Variants in HIBADH observed in about 807,000 individuals in gnomAD.
HIBADH encodes the protein 3-hydroxyisobutyrate dehydrogenase, mitochondrial.
In HIBADH, 25 loss-of-function variants were observed where a neutral mutation model predicts 36.1. The ratio of observed to expected loss-of-function variants is 0.69; its 90% CI spans 0.50 to 0.97. HIBADH has a LOEUF of 0.97. Among genes scored for constraint, HIBADH ranks in the 50% least tolerant of loss-of-function variants. The probability of loss-of-function intolerance (pLI) is 0.00; values close to 1 mark genes in which losing one functional copy is unlikely to be tolerated. For synonymous variants in HIBADH, 160 were observed against 149.5 expected (o/e 1.07, Z -0.51); for missense variants, 421 against 418.0 (o/e 1.01, Z -0.06).
At chr7:27,529,138 C>T (rs747905793) in intron 7 of HIBADH, among the ~76,000 whole-genome samples, 13 of 152,278 alleles carry the variant, frequency 8.5e-5, no homozygotes, top group African/African-American at 1.7e-4. Flanking sequence ...TTTCAAAATA[C>T]GACTGCTCAC....
chr7:27,640,025 A>G (rs1002586981), intron 2 of HIBADH, among the ~76,000 whole-genome samples: 2 of 152,184 alleles, frequency 1.3e-5, no homozygotes, highest in African/African-American at 4.8e-5. Context: ...TCAGGCCCAG[A>G]GAGACGTAAG....
chr7:27,555,302 CT>C (rs3072856), intron 4 of HIBADH, among the ~76,000 whole-genome samples: 22,019 of 127,244 alleles, frequency 0.17, 1,885 homozygotes, highest in Non-Finnish European at 0.21. Flanking sequence ...TCTTGCTCTA[CT>C]TTTTTTTTTT....
chr7:27,583,456 C>T (rs2128287805), intron 4 of HIBADH, among the ~76,000 whole-genome samples: 1 of 151,644 alleles, frequency 6.6e-6, no homozygotes, highest in East Asian at 1.9e-4. Context: ...ACTTTTTCTA[C>T]CTTCCTTTTC....
intron 4 of HIBADH, among the ~76,000 whole-genome samples, chr7:27,565,950 A>G (rs1276742284): frequency 6.6e-6 from 1 of 152,116 alleles, no homozygotes; most frequent in Non-Finnish European, 1.5e-5. Flanking sequence ...TATTAGCATC[A>G]AGTCTTCTTT....
At chr7:27,608,309 T>C (rs1367502506) in intron 4 of HIBADH, among the ~76,000 whole-genome samples, 1 of 152,196 alleles carries the variant, frequency 6.6e-6, no homozygotes, top group Non-Finnish European at 1.5e-5. Flanking sequence ...ACAGAAGGCA[T>C]ATCTGCTGCC....
chr7:27,556,926 G>A (rs1055043270), intron 4 of HIBADH, among the ~76,000 whole-genome samples: 1 of 152,174 alleles, frequency 6.6e-6, no homozygotes, highest in Non-Finnish European at 1.5e-5. Context: ...AGAGGATAGA[G>A]CCTGAGCCCA....
chr7:27,550,584 T>C (rs1784304396), intron 4 of HIBADH, among the ~76,000 whole-genome samples: 1 of 152,182 alleles, frequency 6.6e-6, no homozygotes, highest in African/African-American at 2.4e-5. Context: ...TCTGCCTTCT[T>C]TGCCTGGCTA....
chr7:27,593,871 C>T (rs765622503), intron 4 of HIBADH, among the ~76,000 whole-genome samples: 6 of 151,306 alleles, frequency 4.0e-5, no homozygotes, highest in Non-Finnish European at 5.9e-5. Context: ...GTATAAACAT[C>T]GATGGAAATT....
At chr7:27,576,520 T>C (rs1583577866) in intron 4 of HIBADH, among the ~76,000 whole-genome samples, 1 of 152,220 alleles carries the variant, frequency 6.6e-6, no homozygotes, top group Non-Finnish European at 1.5e-5. Context: ...TCATTAAAAG[T>C]TGATTACTAA....
intron 4 of HIBADH, among the ~76,000 whole-genome samples, chr7:27,568,550 A>G (rs1318836017): frequency 2.0e-5 from 3 of 151,936 alleles, no homozygotes; most frequent in Admixed American, 6.6e-5. Flanking sequence ...CTTCGCCTCC[A>G]GGGTTTAGCC....
chr7:27,647,920 G>C (rs114653781), intron 2 of HIBADH, among the ~76,000 whole-genome samples: 245 of 152,286 alleles, frequency 1.6e-3, no homozygotes, highest in African/African-American at 5.2e-3. Flanking sequence ...CTTCTGCTTT[G>C]CCAGTCTAGG....
intron 6 of HIBADH, among the ~76,000 whole-genome samples, chr7:27,534,813 A>AT (rs1436347730): frequency 2.0e-5 from 3 of 151,830 alleles, no homozygotes; most frequent in Non-Finnish European, 4.4e-5. Context: ...CACAAATATC[A>AT]TTACCACATA....
intron 4 of HIBADH, among the ~76,000 whole-genome samples, chr7:27,601,313 A>C (rs192279718): frequency 6.6e-6 from 1 of 152,262 alleles, no homozygotes; most frequent in East Asian, 1.9e-4. Flanking sequence ...GATTAAAAAT[A>C]CTAACAAGAT....
rs546392844 is a variant in HIBADH at position 27,526,402 on chromosome 7, G to A, written c.853-30C>T. The A allele has an allele frequency of 1.5e-5, 23 of 1,579,478 alleles. No homozygotes were observed. The East Asian group carries it at 3.2e-4, about 22-fold the overall frequency. On this transcript the variant is annotated intron_variant, in intron 7 of 7. Transcript: ENST00000265395. ...ATCAAACAGGAGGAGAGAACACGCT[G>A]AGACTGGTGGTAAAGGCTCTTTGGA...
At chr7:27,643,999 C>G (rs1215931624) in intron 2 of HIBADH, among the ~76,000 whole-genome samples, 5 of 152,174 alleles carry the variant, frequency 3.3e-5, no homozygotes, top group African/African-American at 9.7e-5. Flanking sequence ...ACCCTGTTTC[C>G]AAAAAGCTCA....
At chr7:27,608,813 G>A (rs910382453) in intron 4 of HIBADH, among the ~76,000 whole-genome samples, 3 of 152,172 alleles carry the variant, frequency 2.0e-5, no homozygotes, top group African/African-American at 7.2e-5. Flanking sequence ...AGACCCAATT[G>A]TGTCTGACTT....
chr7:27,552,168 G>A (rs1488825457), intron 4 of HIBADH, among the ~76,000 whole-genome samples: 1 of 152,184 alleles, frequency 6.6e-6, no homozygotes, highest in African/African-American at 2.4e-5. Context: ...AATCAGTTTA[G>A]AGCGTGCCAT....
intron 4 of HIBADH, among the ~76,000 whole-genome samples, chr7:27,589,571 A>G (rs969167854): frequency 1.3e-5 from 2 of 152,214 alleles, no homozygotes. Context: ...AGATGTAGAA[A>G]GGCACAGAGA....
At chr7:27,630,789 A>G (rs1439371034) in intron 3 of HIBADH, among the ~76,000 whole-genome samples, 1 of 152,200 alleles carries the variant, frequency 6.6e-6, no homozygotes, top group East Asian at 1.9e-4. Flanking sequence ...CAACAATTTT[A>G]GACATATGAA....
Sources: allele counts gnomAD v4.1 joint callset (sites outside exome capture counted in the v4.1 genomes callset), GRCh38; gene constraint gnomAD v4.1.1; transcripts MANE v1.5; gene names NCBI Gene and HGNC (gene_info 2026-07-23, HGNC 2026-07-21).